Variants in SLC1A3 observed in about 807,000 individuals in gnomAD.
The protein encoded by SLC1A3 is solute carrier family 1 member 3, also known as excitatory amino acid transporter 1.
In SLC1A3, 21 loss-of-function variants were observed where a neutral mutation model predicts 48.1. The ratio of observed to expected loss-of-function variants is 0.44; its 90% CI spans 0.31 to 0.63. SLC1A3 has a LOEUF of 0.63. Among genes scored for constraint, SLC1A3 ranks in the 20% least tolerant of loss-of-function variants. The pLI, the probability that SLC1A3 is intolerant of heterozygous loss-of-function variation, is 0.08. For missense variants in SLC1A3, 546 were observed against 689.0 expected (o/e 0.79, Z 2.32); for synonymous variants, 239 against 251.4 (o/e 0.95, Z 0.47).
chr5:36,674,126 A>C, intron 5 of SLC1A3, 35 bp downstream of exon 5: 1 of 1,579,370 alleles, frequency 6.3e-7, no homozygotes, highest in Non-Finnish European at 8.7e-7. Context: ...TGCCTTTTAA[A>C]TTCCTCTTTT....
chr5:36,619,546 G>A (rs760628015), intron 2 of SLC1A3, among the ~76,000 whole-genome samples: 6 of 150,710 alleles, frequency 4.0e-5, no homozygotes. Flanking sequence ...AGGCTGAGGC[G>A]GGAGGATCAC....
intron 2 of SLC1A3, among the ~76,000 whole-genome samples, chr5:36,619,994 A>T (rs758899174): frequency 2.6e-5 from 4 of 152,156 alleles, no homozygotes; most frequent in Admixed American, 6.5e-5. Flanking sequence ...ATTCCAATTG[A>T]TCTCTCTCAT....
At chr5:36,618,171 C>A (rs1561242773) in intron 2 of SLC1A3, among the ~76,000 whole-genome samples, 1 of 152,106 alleles carries the variant, frequency 6.6e-6, no homozygotes, top group Non-Finnish European at 1.5e-5. Flanking sequence ...GCTTCTAAAG[C>A]CCAAATTTAA....
intron 3 of SLC1A3, chr5:36,668,529 A>T (rs140637480): frequency 6.6e-6 from 1 of 152,350 alleles, no homozygotes; most frequent in Non-Finnish European, 1.5e-5. Context: ...GGAAGGACCT[A>T]CATGGAGATG....
rs202194656 is a variant in SLC1A3, at chr5:36,677,001, G to A, written c.677G>A (p.Arg226Gln). The part of the protein sequence containing the change: ...NVSEAMETLT[R>Q]ITEELVPVPG... ...TCTGAGGCCATGGAGACTCTTACCC[G>A]AATCACAGAGGAGCTGGTCCCAGTT... Residue 226 changes from arginine (R) to glutamine (Q), a missense_variant, in exon 6 of 10, where the codon CGA becomes CAA. Physicochemically the swap from Arg to Gln is conservative, Grantham distance 43 (BLOSUM62 1). This residue lies in a region of SLC1A3 where 348 missense variants were observed against 392.0 expected (regional missense o/e 0.89). Coordinates refer to ENST00000265113, the MANE Select transcript of SLC1A3 (RefSeq NM_004172.5). 6.8e-6 allele frequency: 11 copies of A among 1,614,044 alleles called. No homozygotes were observed. Among genetic ancestry groups the A allele is most frequent in the East Asian group, 6.7e-5 (3 of 44,872 alleles).
At chr5:36,615,810 C>T (rs959750292) in intron 2 of SLC1A3, among the ~76,000 whole-genome samples, 4 of 152,236 alleles carry the variant, frequency 2.6e-5, no homozygotes, top group African/African-American at 9.6e-5. Flanking sequence ...TATTTGCTGG[C>T]AGCTAGGTGA....
chr5:36,680,517 A>G lies in SLC1A3; in HGVS notation c.1217A>G (p.Glu406Gly), dbSNP rs770833613. The G allele has an allele frequency of 6.2e-7, 1 of 1,614,212 alleles. No homozygotes were observed. Among genetic ancestry groups the G allele is most frequent in the Non-Finnish European group, 8.5e-7 (1 of 1,180,008 alleles). ...TINMDGTALY[E>G]ALAAIFIAQV... ...AACATGGATGGGACTGCCCTCTATG[A>G]GGCTTTGGCTGCCATTTTCATTGCT... The change falls in exon 8 of 10, where the codon GAG becomes GGG. Residue 406 changes from glutamate to glycine, a missense_variant. By Grantham distance (98) the Glu-to-Gly change is moderately conservative. This residue lies in a region of SLC1A3 where 142 missense variants were observed against 238.0 expected (regional missense o/e 0.60). Coordinates refer to ENST00000265113, the MANE Select transcript of SLC1A3 (RefSeq NM_004172.5).
chr5:36,680,593 C>T lies in SLC1A3; in HGVS notation c.1289+4C>T. 3 of 1,611,666 alleles carry T rather than the reference C, an allele frequency of 1.9e-6. No individual in the cohort carries two copies. Among genetic ancestry groups the T allele is most frequent in the Non-Finnish European group, 2.5e-6 (3 of 1,177,764 alleles). On this transcript the variant is annotated splice_donor_region_variant and intron_variant, in intron 8 of 9. Coordinates refer to ENST00000265113, the MANE Select transcript of SLC1A3 (RefSeq NM_004172.5). ...TCGGACAAATTATTACAATCAGGTA[C>T]AAGGAAAGAGTTCTATACACCCTTT...
intron 2 of SLC1A3, chr5:36,608,821 C>G (rs1008031598): frequency 7.6e-7 from 1 of 1,322,118 alleles, no homozygotes; most frequent in African/African-American, 1.5e-5. Context: ...AGGCATTATG[C>G]AAATCAATTG....
chr5:36,628,893 C>T (rs1013920981), intron 2 of SLC1A3, among the ~76,000 whole-genome samples: 1 of 152,002 alleles, frequency 6.6e-6, no homozygotes, highest in Non-Finnish European at 1.5e-5. Context: ...AAGGCAATGT[C>T]AAGACCATGT....
At chr5:36,633,499 A>G (rs1415600437) in intron 3 of SLC1A3, among the ~76,000 whole-genome samples, 1 of 152,186 alleles carries the variant, frequency 6.6e-6, no homozygotes, top group Non-Finnish European at 1.5e-5. Flanking sequence ...TTCATTCTTT[A>G]ACAGCTGTTT....
chr5:36,621,834 TGTC>T lies in SLC1A3; in HGVS notation c.182-7615_182-7613del, dbSNP rs199647813. The stretch of plus-strand genomic sequence containing the variant: ...CTCTAACTGCCGTGTATAGCTCAAT[TGTC>T]AAGTGTGGGTGGGACTTGTGACTTC... On this transcript the variant is annotated intron_variant, in intron 2 of 9. Coordinates refer to ENST00000265113, the MANE Select transcript of SLC1A3 (RefSeq NM_004172.5). Among the ~76,000 whole-genome samples the T allele has an allele frequency of 3.1e-3, 468 of 152,316 alleles. 4 individuals carry two copies. Among genetic ancestry groups the T allele is most frequent in the African/African-American group, 0.011 (451 of 41,568 alleles).
chr5:36,681,536 T>A (rs1742442030), intron 8 of SLC1A3, among the ~76,000 whole-genome samples: 1 of 152,236 alleles, frequency 6.6e-6, no homozygotes, highest in Non-Finnish European at 1.5e-5. Context: ...GTGGAGAATT[T>A]TTTTTAACTA....
intron 6 of SLC1A3, 107 bp from the exon 7 acceptor site, chr5:36,679,520 A>C (rs1212521663): frequency 1.1e-5 from 9 of 813,252 alleles, no homozygotes; most frequent in Non-Finnish European, 2.0e-5. Flanking sequence ...TGGGCAGGAA[A>C]GTTTGGCAGT....
At chr5:36,651,691 G>A (rs191954258) in intron 3 of SLC1A3, among the ~76,000 whole-genome samples, 73 of 151,938 alleles carry the variant, frequency 4.8e-4, no homozygotes, top group Admixed American at 1.2e-3. Context: ...GTACAGTTAG[G>A]CAGCCCCATT....
At chr5:36,608,073 C>A (rs1739029029) in intron 1 of SLC1A3, 1 of 232,732 alleles carries the variant, frequency 4.3e-6, no homozygotes, top group Non-Finnish European at 8.6e-6. Context: ...CTCTGAAGAA[C>A]CCTTTTATAG....
At chr5:36,609,308 T>G in intron 2 of SLC1A3, 1 of 893,510 alleles carries the variant, frequency 1.1e-6, no homozygotes, top group Non-Finnish European at 1.3e-6. Context: ...AAGTTATAGT[T>G]TATTACTTAT....
chr5:36,598,046 A>G (rs967629909), intron 1 of SLC1A3, among the ~76,000 whole-genome samples: 2 of 152,186 alleles, frequency 1.3e-5, no homozygotes, highest in Non-Finnish European at 2.9e-5. Flanking sequence ...CAGTGCCTTC[A>G]AACATAGTGG....
At chr5:36,683,189 ACT>A (rs756751074) in intron 8 of SLC1A3, among the ~76,000 whole-genome samples, 15 of 152,152 alleles carry the variant, frequency 9.9e-5, no homozygotes, top group Non-Finnish European at 2.1e-4. Flanking sequence ...TATTATTGTA[ACT>A]CTACAGCATT....
Sources: allele counts gnomAD v4.1 joint callset (sites outside exome capture counted in the v4.1 genomes callset), GRCh38; gene constraint gnomAD v4.1.1; regional missense constraint gnomAD v4.1.1; transcripts MANE v1.5; gene names NCBI Gene and HGNC (gene_info 2026-07-23, HGNC 2026-07-21).